RBFOX1: variants seen among roughly 807,000 people sequenced by gnomAD.
RBFOX1 encodes the protein RNA binding protein fox-1 homolog 1.
A neutral mutation model predicts 57.7 loss-of-function variants in RBFOX1; 8 were observed. That is an observed-to-expected ratio of 0.14 (90% CI 0.08 to 0.25). The LOEUF (loss-of-function observed/expected upper bound fraction) is 0.25, where lower values mean the gene tolerates loss of function less well. Among genes scored for constraint, RBFOX1 ranks in the 10% least tolerant of loss-of-function variants. RBFOX1 has a pLI of 1.00. For missense variants in RBFOX1, 611 were observed against 548.5 expected (o/e 1.11, Z -1.14); for synonymous variants, 326 against 222.4 (o/e 1.47, Z -4.15).
At chr16:6,926,616 C>G (rs1300417144) in intron 3 of RBFOX1, among the ~76,000 whole-genome samples, 1 of 152,162 alleles carries the variant, frequency 6.6e-6, no homozygotes, top group African/African-American at 2.4e-5. Context: ...CTGTCTCCTC[C>G]CTTTGTCTTG....
chr16:6,581,036 C>G (rs994155421), intron 2 of RBFOX1, among the ~76,000 whole-genome samples: 1 of 151,680 alleles, frequency 6.6e-6, no homozygotes, highest in African/African-American at 2.4e-5. Flanking sequence ...TAGAAGAATG[C>G]TGTAAATATT....
intron 4 of RBFOX1, among the ~76,000 whole-genome samples, chr16:7,138,748 A>G (rs1273182466): frequency 6.6e-6 from 1 of 152,160 alleles, no homozygotes; most frequent in Non-Finnish European, 1.5e-5. Context: ...TGAGACTTGA[A>G]TATTTCACTA....
At chr16:5,912,282 G>C (rs1223858839) in intron 4 of RBFOX1, among the ~76,000 whole-genome samples, 1 of 152,160 alleles carries the variant, frequency 6.6e-6, no homozygotes, top group Admixed American at 6.5e-5. Flanking sequence ...CAGTTTCTCA[G>C]AATGAAGCTC....
At position 6,954,989 on chromosome 16, in the gene RBFOX1, G is replaced by T. The variant is rs568539622; in HGVS notation, c.-15-97068G>T. ...CTCGTGCCCATAATCTGAGTACTTT[G>T]GGAGACTGAGGCAGGAGGATTGCTT... On this transcript the variant is annotated intron_variant, in intron 3 of 15. Coordinates refer to ENST00000550418, the MANE Select transcript of RBFOX1 (RefSeq NM_018723.4). Among the ~76,000 whole-genome samples, 6 of 151,974 alleles carry T rather than the reference G, an allele frequency of 3.9e-5. No homozygotes were observed. In the South Asian group the frequency reaches 1.2e-3, roughly 32 times the overall value.
rs138232119 is a variant in RBFOX1 at position 6,908,809 on chromosome 16, A to G, written c.-15-143248A>G. 6.8e-4 allele frequency among the ~76,000 whole-genome samples: 104 copies of G among 152,244 alleles called. No homozygotes were observed. In the Middle Eastern group the frequency reaches 0.014, roughly 20 times the overall value. On this transcript the variant is annotated intron_variant, in intron 3 of 15. Transcript: ENST00000550418. Reference sequence around the variant, plus strand: ...CTCTCTGCCCAGTTACCTCATTGATAAATGGAGGTGAGGTTGTGCCAGCCT... The same window carrying G: ...CTCTCTGCCCAGTTACCTCATTGATGAATGGAGGTGAGGTTGTGCCAGCCT...
At chr16:5,875,354 C>T (rs991324404) in intron 4 of RBFOX1, among the ~76,000 whole-genome samples, 18 of 152,186 alleles carry the variant, frequency 1.2e-4, no homozygotes, top group African/African-American at 4.3e-4. Context: ...GCTGTCTCCA[C>T]TAGGAACAGC....
intron 2 of RBFOX1, among the ~76,000 whole-genome samples, chr16:6,513,461 C>T (rs554866056): frequency 1.7e-4 from 26 of 152,232 alleles, no homozygotes; most frequent in East Asian, 5.8e-4. Context: ...AGGCCGGGCG[C>T]GGTGGCTCAC....
intron 1 of RBFOX1, among the ~76,000 whole-genome samples, chr16:6,029,910 G>A (rs1172686855): frequency 2.0e-5 from 3 of 151,954 alleles, no homozygotes; most frequent in African/African-American, 7.2e-5. Context: ...TATTTGCTAT[G>A]ATTATTATTG....
chr16:7,012,239 C>G (rs1245502622), intron 3 of RBFOX1, among the ~76,000 whole-genome samples: 1 of 152,112 alleles, frequency 6.6e-6, no homozygotes, highest in Admixed American at 6.5e-5. Flanking sequence ...ATAACATCAG[C>G]AAGATGAAAG....
intron 4 of RBFOX1, among the ~76,000 whole-genome samples, chr16:7,302,484 C>G (rs1034787869): frequency 1.3e-5 from 2 of 151,870 alleles, no homozygotes; most frequent in Non-Finnish European, 2.9e-5. Flanking sequence ...GGGTTCTGCC[C>G]CAAATATTCT....
At chr16:6,899,523 GTTTATA>G (rs2067927470) in intron 3 of RBFOX1, among the ~76,000 whole-genome samples, 1 of 152,158 alleles carries the variant, frequency 6.6e-6, no homozygotes, top group Non-Finnish European at 1.5e-5. Context: ...AAAGGAATGA[GTTTATA>G]TTTAGAGACA....
intron 3 of RBFOX1, among the ~76,000 whole-genome samples, chr16:6,907,657 G>A (rs1036882081): frequency 1.3e-5 from 2 of 152,104 alleles, no homozygotes; most frequent in Admixed American, 1.3e-4. Flanking sequence ...TGCAGCCTCT[G>A]CCTCCTGGGT....
intron 3 of RBFOX1, among the ~76,000 whole-genome samples, chr16:6,941,005 C>T (rs1053560068): frequency 6.6e-6 from 1 of 151,850 alleles, no homozygotes; most frequent in African/African-American, 2.4e-5. Context: ...CCACACCCGG[C>T]CCCCCTTATC....
At chr16:5,760,902 C>G (rs1397923350) in intron 3 of RBFOX1, among the ~76,000 whole-genome samples, 1 of 152,022 alleles carries the variant, frequency 6.6e-6, no homozygotes, top group Non-Finnish European at 1.5e-5. Flanking sequence ...TATTTTGGAA[C>G]TAGATAAGAG....
At chr16:6,889,266 C>T (rs1181904324) in intron 3 of RBFOX1, among the ~76,000 whole-genome samples, 1 of 152,160 alleles carries the variant, frequency 6.6e-6, no homozygotes, top group Non-Finnish European at 1.5e-5. Context: ...CCCGTTAGCC[C>T]CATGGCTTGC....
chr16:6,239,684 G>A (rs948316658), intron 1 of RBFOX1, among the ~76,000 whole-genome samples: 1 of 151,736 alleles, frequency 6.6e-6, no homozygotes, highest in African/African-American at 2.4e-5. Flanking sequence ...TTTTAGTAGA[G>A]ACGGGGGTTT....
intron 4 of RBFOX1, among the ~76,000 whole-genome samples, chr16:6,001,762 C>G (rs2060603663): frequency 6.6e-6 from 1 of 152,086 alleles, no homozygotes; most frequent in Admixed American, 6.5e-5. Flanking sequence ...GCAGCTGGTA[C>G]AAATATATGA....
chr16:5,619,330 G>GGCAGATAGT (rs1276893701), intron 3 of RBFOX1, among the ~76,000 whole-genome samples: 1 of 152,230 alleles, frequency 6.6e-6, no homozygotes, highest in East Asian at 1.9e-4. Flanking sequence ...TGAGTTCCTT[G>GGCAGATAGT]GCAGATAGTG....
chr16:6,602,853 A>G (rs741171), intron 2 of RBFOX1, among the ~76,000 whole-genome samples: 46,048 of 151,946 alleles, frequency 0.3, 7,334 homozygotes, highest in African/African-American at 0.4. Context: ...CACCCCCACC[A>G]TCACATGCAA....
Sources: allele counts gnomAD v4.1 joint callset (sites outside exome capture counted in the v4.1 genomes callset), GRCh38; gene constraint gnomAD v4.1.1; transcripts MANE v1.5; gene names NCBI Gene and HGNC (gene_info 2026-07-23, HGNC 2026-07-21).